The following KANSL1L variants were observed in gnomAD, a reference collection of about 807,000 sequenced individuals.
KANSL1L encodes KAT8 regulatory NSL complex subunit 1 like.
A neutral mutation model predicts 108.6 loss-of-function variants in KANSL1L; 25 were observed. The observed-to-expected ratio is 0.23, with a 90% CI of 0.17 to 0.32. The LOEUF (loss-of-function observed/expected upper bound fraction) is 0.32. Among genes scored for constraint, KANSL1L ranks in the 10% least tolerant of loss-of-function variants. The pLI, the probability that KANSL1L is intolerant of heterozygous loss-of-function variation, is 1.00. For synonymous variants in KANSL1L, 405 were observed against 395.1 expected, an observed-to-expected ratio of 1.03 and a Z score of -0.30; for missense variants, 1,137 against 1,125.7, an observed-to-expected ratio of 1.01 and a Z score of -0.14.
At position 210,023,049 on chromosome 2, in the gene KANSL1L, C is replaced by G; in HGVS notation, c.2864G>C (p.Ser955Thr). ...TAFHGEIFGTSVPENGHHPKK... is the reference protein window; with the variant it reads ...TAFHGEIFGTTVPENGHHPKK... ...TGGATGGTGGCCATTCTCTGGTACACTGGTACCGAAGATTTCACCATGGAA... is the reference window on the plus strand; with the variant it reads ...TGGATGGTGGCCATTCTCTGGTACAGTGGTACCGAAGATTTCACCATGGAA... Residue 955 changes from serine (S) to threonine (T), a missense_variant, in exon 15 of 15, where the codon AGT (serine) becomes ACT (threonine). Physicochemically the swap from Ser to Thr is moderately conservative, Grantham distance 58. Around this residue, in one of 3 missense-constraint regions of KANSL1L, gnomAD observed 575 missense variants for 567.1 expected, o/e 1.01. Coordinates refer to ENST00000281772, the MANE Select transcript of KANSL1L (RefSeq NM_152519.4). The G allele has an allele frequency of 6.2e-7, 1 of 1,613,866 alleles. No individual in the cohort carries two copies. Among genetic ancestry groups the G allele is most frequent in the Non-Finnish European group, 8.5e-7 (1 of 1,179,798 alleles).
At chr2:210,119,738 T>C (rs537702745) in intron 3 of KANSL1L, among the ~76,000 whole-genome samples, 6 of 152,234 alleles carry the variant, frequency 3.9e-5, no homozygotes, top group Admixed American at 1.3e-4. Context: ...TCTTAATGAA[T>C]GGGAGAGAAA....
chr2:210,085,128 T>C (rs2094625477), intron 5 of KANSL1L, among the ~76,000 whole-genome samples: 1 of 152,192 alleles, frequency 6.6e-6, no homozygotes, highest in African/African-American at 2.4e-5. Context: ...TTAAATGTGA[T>C]AATAAAGTGG....
Position 210,069,054 on chromosome 2 carries a change from C to A in KANSL1L, c.1755+6498G>T, listed in dbSNP as rs549504028. Among the ~76,000 whole-genome samples, 236 of 152,306 alleles carry A rather than the reference C, an allele frequency of 1.5e-3. 1 individual carries two copies. Among genetic ancestry groups the A allele is most frequent in the African/African-American group, 5.3e-3 (222 of 41,578 alleles). On this transcript the variant is annotated intron_variant, in intron 6 of 14. Transcript: ENST00000281772. ...CTTACTCACTTTATCTCTTTCCTCTCATATTCTACTCTAAAAAGCAAGGAG... is the reference window on the plus strand; with the variant it reads ...CTTACTCACTTTATCTCTTTCCTCTAATATTCTACTCTAAAAAGCAAGGAG...
intron 6 of KANSL1L, among the ~76,000 whole-genome samples, chr2:210,050,089 A>C (rs2125223000): frequency 6.6e-6 from 1 of 152,346 alleles, no homozygotes; most frequent in Admixed American, 6.5e-5. Flanking sequence ...CATTTGCAGA[A>C]CAGAATGCCA....
chr2:210,100,245 G>C (rs1170274249), intron 4 of KANSL1L, among the ~76,000 whole-genome samples: 1 of 152,068 alleles, frequency 6.6e-6, no homozygotes. Flanking sequence ...GATGATCTGA[G>C]GTGGAACAGT....
At chr2:210,123,190 C>T (rs1169629041) in intron 3 of KANSL1L, among the ~76,000 whole-genome samples, 1 of 151,968 alleles carries the variant, frequency 6.6e-6, no homozygotes, top group Non-Finnish European at 1.5e-5. Flanking sequence ...AGGCATATAC[C>T]CAAAGAAAGG....
chr2:210,091,664 C>T lies in KANSL1L; in HGVS notation c.1550+6422G>A, dbSNP rs1357503159. On this transcript the variant is annotated intron_variant, in intron 5 of 14. Coordinates refer to ENST00000281772, the MANE Select transcript of KANSL1L (RefSeq NM_152519.4). The stretch of plus-strand genomic sequence containing the variant: ...CCTCAGTGCAATCTGAATCGATTTC[C>T]TCCTTCTGACCTCTATGTTATTGCT... Among the ~76,000 whole-genome samples the T allele has an allele frequency of 5.9e-5, 9 of 152,270 alleles. No individual in the cohort carries two copies. The East Asian group carries it at 1.7e-3, about 29-fold the overall frequency.
rs181286741 is a variant in KANSL1L, at chr2:210,062,384, A to T, written c.1755+13168T>A. Among the ~76,000 whole-genome samples, 189 of 152,294 alleles carry T rather than the reference A, an allele frequency of 1.2e-3. 1 individual carries two copies. The highest frequency in any genetic ancestry group is 4.3e-3 in the African/African-American group (178 of 41,560). On this transcript the variant is annotated intron_variant, in intron 6 of 14. Coordinates refer to ENST00000281772, the MANE Select transcript of KANSL1L (RefSeq NM_152519.4). ...GGTATGTCTTTATCAGCAGTGTGAA[A>T]ACGGATTAATACAGTAAATTGGTAT... is the stretch of plus-strand genomic sequence containing the variant.
chr2:210,080,081 T>G (rs1350161041), intron 5 of KANSL1L, among the ~76,000 whole-genome samples: 1 of 151,470 alleles, frequency 6.6e-6, no homozygotes, highest in Non-Finnish European at 1.5e-5. Context: ...ATACCAATTA[T>G]TTGGAAAGAA....
At chr2:210,034,622 A>G (rs1283784046) in intron 8 of KANSL1L, among the ~76,000 whole-genome samples, 3 of 152,224 alleles carry the variant, frequency 2.0e-5, no homozygotes, top group Admixed American at 1.3e-4. Context: ...AAAGGGAAAA[A>G]TGGATTAAAA....
intron 5 of KANSL1L, chr2:210,096,618 C>A (rs1336454527): frequency 6.1e-6 from 6 of 985,096 alleles, no homozygotes; most frequent in Non-Finnish European, 7.2e-6. Flanking sequence ...GCTTATACAC[C>A]AATTTGATGT....
In KANSL1L at chr2:210,044,877, C is replaced by T. The variant is rs555170125; in HGVS notation, c.1756-773G>A. ...TTCTGCCTCCCGGGTTCAAGCGATTCTCCTGCCTCAGCCTCCTGAGTAACT... is the reference window on the plus strand; with the variant it reads ...TTCTGCCTCCCGGGTTCAAGCGATTTTCCTGCCTCAGCCTCCTGAGTAACT... On this transcript the variant is annotated intron_variant, in intron 6 of 14. Transcript: ENST00000281772. The surrounding 1 kb of genome is among the most constrained non-coding windows in gnomAD (Gnocchi z 4.2). 2.0e-3 allele frequency among the ~76,000 whole-genome samples: 308 copies of T among 152,236 alleles called. No individual in the cohort carries two copies. Among genetic ancestry groups the T allele is most frequent in the Non-Finnish European group, 3.0e-3 (206 of 68,008 alleles).
At chr2:210,034,561 C>A (rs1231555656) in intron 8 of KANSL1L, among the ~76,000 whole-genome samples, 1 of 152,052 alleles carries the variant, frequency 6.6e-6, no homozygotes, top group Non-Finnish European at 1.5e-5. Context: ...GGGTGGGGAG[C>A]AGGTGTGACA....
intron 8 of KANSL1L, among the ~76,000 whole-genome samples, chr2:210,034,089 T>C (rs1356447365): frequency 6.6e-6 from 1 of 152,190 alleles, no homozygotes. Flanking sequence ...CTGTCTTTAC[T>C]TCCTTCCCTT....
chr2:210,056,827 C>T (rs2094356453), intron 6 of KANSL1L, among the ~76,000 whole-genome samples: 1 of 152,106 alleles, frequency 6.6e-6, no homozygotes, highest in African/African-American at 2.4e-5. Context: ...ATCAACACAC[C>T]TCTAGAAGGT....
chr2:210,094,373 A>T (rs1451169482), intron 5 of KANSL1L, among the ~76,000 whole-genome samples: 1 of 152,100 alleles, frequency 6.6e-6, no homozygotes, highest in Non-Finnish European at 1.5e-5. Flanking sequence ...TCAAGTCTGA[A>T]ATACCATTAA....
At position 210,153,669 on chromosome 2, in the gene KANSL1L, A is replaced by G; in HGVS notation, c.914T>C (p.Leu305Ser). The G allele has an allele frequency of 6.2e-7, 1 of 1,609,770 alleles. No individual in the cohort carries two copies. The highest frequency in any genetic ancestry group is 8.5e-7 in the Non-Finnish European group (1 of 1,178,106). ...AAAGCCATTTTTTGCATCATCCCAC[A>G]ATTTATTCTCTGCAGTCAATGTGTT... Reference protein sequence around the residue: ...EVNTLTAENKLWDDAKNGFAR... With the variant: ...EVNTLTAENKSWDDAKNGFAR... Residue 305 changes from leucine to serine, a missense_variant, in exon 2 of 15, where the codon TTG becomes TCG. This residue lies in a region of KANSL1L where 556 missense variants were observed against 537.7 expected (regional missense o/e 1.03). Coordinates refer to ENST00000281772, the MANE Select transcript of KANSL1L (RefSeq NM_152519.4).
intron 6 of KANSL1L, among the ~76,000 whole-genome samples, chr2:210,060,246 G>A (rs2094405154): frequency 6.6e-6 from 1 of 152,106 alleles, no homozygotes; most frequent in Admixed American, 6.6e-5. Flanking sequence ...AAACCACTCA[G>A]CATTATGATT....
chr2:210,084,075 A>G (rs79626964), intron 5 of KANSL1L, among the ~76,000 whole-genome samples: 108 of 152,204 alleles, frequency 7.1e-4, no homozygotes, highest in African/African-American at 2.5e-3. Flanking sequence ...CAATAAGAAA[A>G]TGTGTTGTAG....
Sources: gnomAD v4.1 joint callset for allele counts (sites outside exome capture counted in the v4.1 genomes callset) on GRCh38, gnomAD v4.1.1 for gene constraint, gnomAD v4.1.1 regional missense constraint, Gnocchi (gnomAD v3.1) non-coding constraint, MANE v1.5 for transcripts, NCBI Gene and HGNC (gene_info 2026-07-23, HGNC 2026-07-21) for gene names.